The following ARL6 variants were observed in gnomAD, a reference collection of about 807,000 sequenced individuals.
ARL6 encodes ARF like GTPase 6, also known as ADP-ribosylation factor-like protein 6.
Under a neutral mutation model 27.1 loss-of-function variants are expected in ARL6, and 18 were observed. The observed-to-expected ratio is 0.66, with a 90% confidence interval of 0.46 to 0.98. The LOEUF is 0.98. ARL6 is among the 50% of genes least tolerant of loss of function. The pLI, the probability that ARL6 is intolerant of heterozygous loss-of-function variation, is 0.00. For synonymous variants in ARL6, 65 were observed against 72.3 expected (o/e 0.90, Z 0.51); for missense variants, 187 against 214.9 (o/e 0.87, Z 0.81).
At chr3:97,790,644 TC>T (rs2037688222) in intron 6 of ARL6, among the ~76,000 whole-genome samples, 1 of 152,134 alleles carries the variant, frequency 6.6e-6, no homozygotes, top group African/African-American at 2.4e-5. Flanking sequence ...TTTAAGTGTT[TC>T]GGTTACTGAT....
chr3:97,780,755 T>C (rs1397580450), intron 4 of ARL6, 72 bp downstream of exon 4: 2 of 1,235,258 alleles, frequency 1.6e-6, no homozygotes, highest in Admixed American at 1.7e-5. Flanking sequence ...TCCAAAGAAT[T>C]ATATGGCTAG....
chr3:97,769,011 A>G (rs2036517802), intron 2 of ARL6, among the ~76,000 whole-genome samples: 1 of 152,108 alleles, frequency 6.6e-6, no homozygotes, highest in African/African-American at 2.4e-5. Context: ...TTGTAAGCTT[A>G]CATCCACTAC....
rs576180978 is a variant in ARL6 at position 97,780,662 on chromosome 3, A to G, written c.233A>G (p.Asn78Ser). The change falls in exon 4 of 8, where the codon AAT becomes AGT. Residue 78 changes from asparagine (N) to serine (S), a missense_variant. Asn to Ser is a conservative substitution (Grantham distance 46). Transcript: ENST00000463745. ...ATGTCAGGTCAAGGAAGATACAGAA[A>G]TCTCTGGGAACACTATTATAAGTAA... is the stretch of plus-strand genomic sequence containing the variant. Reference protein sequence around the residue: ...FDMSGQGRYRNLWEHYYKEGQ... With the variant: ...FDMSGQGRYRSLWEHYYKEGQ... 5.6e-6 allele frequency: 9 copies of G among 1,612,876 alleles called. No individual in the cohort carries two copies. In the South Asian group the frequency reaches 7.7e-5, roughly 14 times the overall value.
At chr3:97,797,362 A>G (rs1163104902) in intron 7 of ARL6, among the ~76,000 whole-genome samples, 1 of 152,096 alleles carries the variant, frequency 6.6e-6, no homozygotes, top group African/African-American at 2.4e-5. Context: ...TCTAGGAGGG[A>G]TAAAATATAG....
chr3:97,765,273 A>G (rs1039269399), intron 1 of ARL6, among the ~76,000 whole-genome samples: 9 of 151,322 alleles, frequency 5.9e-5, no homozygotes, highest in Non-Finnish European at 1.0e-4. Flanking sequence ...AAATTATATC[A>G]TAAAAAACTG....
chr3:97,772,620 T>C (rs1345873425), intron 2 of ARL6, among the ~76,000 whole-genome samples: 1 of 129,340 alleles, frequency 7.7e-6, no homozygotes, highest in Non-Finnish European at 1.6e-5. Flanking sequence ...GGCTTGTTAC[T>C]TTTTTTTTTT....
intron 2 of ARL6, among the ~76,000 whole-genome samples, chr3:97,771,104 G>A (rs2036617224): frequency 1.3e-5 from 2 of 151,906 alleles, no homozygotes; most frequent in South Asian, 4.1e-4. Context: ...AATCTCTTCG[G>A]GTGGTATAGA....
At chr3:97,795,574 G>A (rs1158903410) in intron 7 of ARL6, among the ~76,000 whole-genome samples, 2 of 152,124 alleles carry the variant, frequency 1.3e-5, no homozygotes, top group Admixed American at 6.5e-5. Flanking sequence ...CCAAATTTTG[G>A]AAGCTGAATA....
intron 1 of ARL6, among the ~76,000 whole-genome samples, chr3:97,765,209 GGGGTGTGTGTGTGTGTGTGTGTGTGT>G (rs1457916137): frequency 7.8e-6 from 1 of 128,048 alleles, no homozygotes; most frequent in East Asian, 2.6e-4. Flanking sequence ...CCGTGTATTG[GGGGTGTGTGTGTGTGTGTGTGTGTGT>G]GTGTGTGTGT....
intron 2 of ARL6, among the ~76,000 whole-genome samples, chr3:97,769,163 G>A (rs2036525797): frequency 6.6e-6 from 1 of 151,982 alleles, no homozygotes; most frequent in African/African-American, 2.4e-5. Flanking sequence ...CAGTTTCTAG[G>A]TAAGTAGTTC....
intron 2 of ARL6, among the ~76,000 whole-genome samples, chr3:97,774,095 T>C (rs955135011): frequency 3.3e-4 from 51 of 152,328 alleles, no homozygotes; most frequent in African/African-American, 1.2e-3. Flanking sequence ...GGAGTGATAG[T>C]CTGATTTCAT....
At position 97,788,146 on chromosome 3, in the gene ARL6, G is replaced by C. The variant is rs759070182; in HGVS notation, c.479+27G>C. The C allele has an allele frequency of 6.2e-6, 10 of 1,606,466 alleles. No homozygotes were observed. In the South Asian group the frequency reaches 6.6e-5, roughly 11 times the overall value. The stretch of plus-strand genomic sequence containing the variant: ...TAAAGTTTTATATTTACTTTTCACT[G>C]TAGCTTTCTGAAAAATATACAAGCT... On this transcript the variant is annotated intron_variant, in intron 6 of 7. Transcript: ENST00000463745.
At chr3:97,779,046 T>C (rs2037049439) in intron 2 of ARL6, among the ~76,000 whole-genome samples, 1 of 152,184 alleles carries the variant, frequency 6.6e-6, no homozygotes, top group Non-Finnish European at 1.5e-5. Context: ...TTTAACAAGT[T>C]AGATTGTTAG....
Position 97,798,262 on chromosome 3 carries a change from T to A in ARL6, c.*213T>A, listed in dbSNP as rs1430034811. 7.3e-6 allele frequency: 4 copies of A among 545,720 alleles called. No homozygotes were observed. The highest frequency in any genetic ancestry group is 9.9e-6 in the Non-Finnish European group (3 of 302,370). The allele number at this position is 545,720 out of a possible 1,614,324, so 33.8% of individuals were successfully genotyped here. On this transcript the variant is annotated 3_prime_UTR_variant, in exon 8 of 8. Coordinates refer to ENST00000463745, the MANE Select transcript of ARL6 (RefSeq NM_001278293.3). ...TAAATATTCCCTCAAAAGGGCTCCC[T>A]AGAATTATCAAGTTCTTAGTGAAGG...
intron 1 of ARL6, among the ~76,000 whole-genome samples, chr3:97,767,154 A>C (rs2036421647): frequency 6.6e-6 from 1 of 152,066 alleles, no homozygotes; most frequent in African/African-American, 2.4e-5. Context: ...TTTTTTTTTC[A>C]AAGAATCAAT....
At chr3:97,794,177 TTGTGTGTGTGTGTG>T (rs370867493) in intron 7 of ARL6, among the ~76,000 whole-genome samples, 17 of 137,478 alleles carry the variant, frequency 1.2e-4, no homozygotes, top group East Asian at 4.4e-4. Flanking sequence ...TTTCTTTCTT[TTGTGTGTGTGTGTG>T]TGTGTGTGTG....
At chr3:97,783,399 T>C (rs1295361466) in intron 4 of ARL6, among the ~76,000 whole-genome samples, 1 of 151,830 alleles carries the variant, frequency 6.6e-6, no homozygotes, top group Non-Finnish European at 1.5e-5. Flanking sequence ...TGCCTAATAT[T>C]TTTTCACACA....
intron 2 of ARL6, among the ~76,000 whole-genome samples, chr3:97,776,247 A>G (rs1330720045): frequency 6.6e-6 from 1 of 152,172 alleles, no homozygotes; most frequent in Non-Finnish European, 1.5e-5. Context: ...TGATATGAGT[A>G]TAGTTAATCT....
At chr3:97,772,544 T>C (rs1559672419) in intron 2 of ARL6, among the ~76,000 whole-genome samples, 2 of 151,952 alleles carry the variant, frequency 1.3e-5, no homozygotes, top group Non-Finnish European at 1.5e-5. Context: ...TTTCCTTCTA[T>C]TAATTTTGGT....
Sources: gnomAD v4.1 joint callset for allele counts (sites outside exome capture counted in the v4.1 genomes callset) on GRCh38, gnomAD v4.1.1 for gene constraint, MANE v1.5 for transcripts, NCBI Gene and HGNC (gene_info 2026-07-23, HGNC 2026-07-21) for gene names.